Variants in USPL1 observed in about 807,000 individuals in gnomAD.
USPL1 encodes SUMO-specific isopeptidase USPL1.
A neutral mutation model predicts 51.5 loss-of-function variants in USPL1; 27 were observed. That is an observed-to-expected ratio of 0.52 (90% CI 0.39 to 0.72). USPL1 has a LOEUF of 0.72. Among genes scored for constraint, USPL1 ranks in the 30% least tolerant of loss-of-function variants. The pLI is 0.00. For synonymous variants in USPL1, 451 were observed against 459.6 expected (o/e 0.98, Z 0.24); for missense variants, 1,226 against 1,268.0 (o/e 0.97, Z 0.50).
rs566057057 is a variant in USPL1 at position 30,632,186 on chromosome 13, A to G, written c.868+712A>G. 3.6e-4 allele frequency among the ~76,000 whole-genome samples: 55 copies of G among 151,852 alleles called. No homozygotes were observed. The South Asian group carries it at 0.01, about 28-fold the overall frequency. ...TGTGTCCATGTGTTCTCATTGTTCA[A>G]CTGTCACTTATGAGTGAGAATATAT... On this transcript the variant is annotated intron_variant, in intron 4 of 8. Transcript: ENST00000255304.
In USPL1 at chr13:30,660,600, G is replaced by C. The variant is rs541869668; in HGVS notation, c.*1244G>C. 8 of 152,396 alleles carry C rather than the reference G, an allele frequency of 5.2e-5. No individual in the cohort carries two copies. The highest frequency in any genetic ancestry group is 1.7e-4 in the African/African-American group (7 of 41,580). 9.4% of individuals were successfully genotyped at this position (152,396 alleles called of 1,614,324 possible). ...TATGGTTGTGTGGCCTTCTGTAAGA[G>C]CCTACGCCTGTTTGTTACACCGGTA... is the stretch of plus-strand genomic sequence containing the variant. On this transcript the variant is annotated 3_prime_UTR_variant, in exon 9 of 9. Transcript: ENST00000255304.
At chr13:30,627,669 T>G (rs1950737711) in intron 3 of USPL1, among the ~76,000 whole-genome samples, 1 of 152,030 alleles carries the variant, frequency 6.6e-6, no homozygotes, top group Non-Finnish European at 1.5e-5. Context: ...TTTTTTCTCT[T>G]AAAAAAATTT....
At position 30,657,634 on chromosome 13, in the gene USPL1, C is replaced by A. The variant is rs748490203; in HGVS notation, c.1557C>A (p.Asp519Glu). Residue 519 changes from aspartate to glutamate, a missense_variant, in exon 9 of 9, where the codon GAC (aspartate) becomes GAA (glutamate). Asp to Glu is a conservative substitution (Grantham distance 45). Coordinates refer to ENST00000255304, the MANE Select transcript of USPL1 (RefSeq NM_005800.5). Reference sequence around the variant, plus strand: ...GCCTTCCACTTAAAAAGACTAATGACCAACACGCTCTCAGTAATGAGAAAC... The same window carrying A: ...GCCTTCCACTTAAAAAGACTAATGAACAACACGCTCTCAGTAATGAGAAAC... ...AACLPLKKTN[D>E]QHALSNEKPV... 1 of 1,614,184 alleles carries A rather than the reference C, an allele frequency of 6.2e-7. No homozygotes were observed. The highest frequency in any genetic ancestry group is 2.2e-5 in the East Asian group (1 of 44,884).
At chr13:30,641,439 T>C (rs1950946056) in intron 5 of USPL1, among the ~76,000 whole-genome samples, 1 of 151,844 alleles carries the variant, frequency 6.6e-6, no homozygotes, top group East Asian at 1.9e-4. Context: ...AGTTCCAGGC[T>C]AGGGGGAGAA....
At position 30,630,831 on chromosome 13, in the gene USPL1, C is replaced by A. The variant is rs758475767; in HGVS notation, c.229-4C>A. 1.6e-5 allele frequency: 25 copies of A among 1,571,834 alleles called. No individual in the cohort carries two copies. Among genetic ancestry groups the A allele is most frequent in the Non-Finnish European group, 2.0e-5 (23 of 1,162,050 alleles). On this transcript the variant is annotated splice_region_variant and splice_polypyrimidine_tract_variant and intron_variant, in intron 3 of 8. Coordinates refer to ENST00000255304, the MANE Select transcript of USPL1 (RefSeq NM_005800.5). ...GTTTTTATCATTTTATTTTTACTTTCCAGTGCATCTATCCTTTGGGCTCTA... is the reference window on the plus strand; with the variant it reads ...GTTTTTATCATTTTATTTTTACTTTACAGTGCATCTATCCTTTGGGCTCTA...
intron 3 of USPL1, among the ~76,000 whole-genome samples, chr13:30,622,208 GTT>G (rs1950655813): frequency 6.6e-6 from 1 of 151,738 alleles, no homozygotes; most frequent in Non-Finnish European, 1.5e-5. Context: ...CATCTCTTTG[GTT>G]TATCTTTGCA....
intron 3 of USPL1, among the ~76,000 whole-genome samples, chr13:30,625,316 G>A (rs759124843): frequency 4.6e-5 from 7 of 152,142 alleles, no homozygotes; most frequent in Non-Finnish European, 1.5e-5. Flanking sequence ...GGGAAGACTT[G>A]GAAGAGCAAG....
chr13:30,646,986 T>G lies in USPL1; in HGVS notation c.1167T>G (p.Leu389=), dbSNP rs1427427487. The change falls in exon 7 of 9, where the codon CTT becomes CTG. Residue 389 remains leucine, a synonymous_variant. Coordinates refer to ENST00000255304, the MANE Select transcript of USPL1 (RefSeq NM_005800.5). ...FTNVIPEWHP[L]NAAHFGPCNN... ...ATGTCATCCCTGAGTGGCACCCACTTAATGCTGCCCATTTTGGTCCATGTA... is the reference window on the plus strand; with the variant it reads ...ATGTCATCCCTGAGTGGCACCCACTGAATGCTGCCCATTTTGGTCCATGTA... 1 of 1,613,960 alleles carries G rather than the reference T, an allele frequency of 6.2e-7. No individual in the cohort carries two copies. The highest frequency in any genetic ancestry group is 1.1e-5 in the South Asian group (1 of 91,066).
At chr13:30,641,236 CAT>C (rs1420097060) in intron 5 of USPL1, among the ~76,000 whole-genome samples, 1 of 152,208 alleles carries the variant, frequency 6.6e-6, no homozygotes, top group Non-Finnish European at 1.5e-5. Flanking sequence ...AGAAACCCCA[CAT>C]GATTGTTATT....
In USPL1 at chr13:30,621,139, G is replaced by C. The variant is rs775590821; in HGVS notation, c.-2G>C. 6.2e-6 allele frequency: 10 copies of C among 1,603,904 alleles called. No individual in the cohort carries two copies. The Admixed American group carries it at 1.5e-4, about 25-fold the overall frequency. On this transcript the variant is annotated 5_prime_UTR_variant, in exon 2 of 9. Transcript: ENST00000255304. ...GTGACATAAATTAGCCAATGACTCG[G>C]AATGATGGATTCTCCGAAGATTGGA... is the stretch of plus-strand genomic sequence containing the variant.
At chr13:30,644,312 A>G (rs1303534564) in intron 6 of USPL1, among the ~76,000 whole-genome samples, 4 of 152,100 alleles carry the variant, frequency 2.6e-5, no homozygotes, top group Non-Finnish European at 5.9e-5. Flanking sequence ...TTACTTAGAT[A>G]TTCATTATCT....
intron 6 of USPL1, among the ~76,000 whole-genome samples, chr13:30,645,024 C>T (rs984483023): frequency 6.6e-6 from 1 of 152,124 alleles, no homozygotes; most frequent in Non-Finnish European, 1.5e-5. Flanking sequence ...TCATTTGGCA[C>T]GTATGGATAT....
Position 30,658,068 on chromosome 13 carries a change from A to G in USPL1, c.1991A>G (p.Gln664Arg). The G allele has an allele frequency of 6.2e-7, 1 of 1,613,400 alleles. No individual in the cohort carries two copies. The highest frequency in any genetic ancestry group is 8.5e-7 in the Non-Finnish European group (1 of 1,179,972). Residue 664 changes from glutamine to arginine, a missense_variant, in exon 9 of 9, where the codon CAG (glutamine) becomes CGG (arginine). Coordinates refer to ENST00000255304, the MANE Select transcript of USPL1 (RefSeq NM_005800.5). ...FPSQVVNTNM[Q>R]SVQLNTEDTV... The stretch of plus-strand genomic sequence containing the variant: ...TCCCAAGTTGTAAATACAAACATGC[A>G]GTCAGTACAGCTGAATACAGAAGAT...
chr13:30,659,334 A>C lies in USPL1; in HGVS notation c.3257A>C (p.Glu1086Ala), dbSNP rs1951223578. Residue 1086 changes from glutamate to alanine, a missense_variant, in exon 9 of 9, where the codon GAA becomes GCA. Physicochemically the swap from Glu to Ala is moderately radical, Grantham distance 107. Transcript: ENST00000255304. ...NDTLDLPHFD[E>A]YLFENY ...ACATTAGACCTACCTCATTTCGATG[A>C]ATATCTGTTTGAGAATTATTGAATT... The C allele has an allele frequency of 1.3e-6, 2 of 1,595,408 alleles. No individual in the cohort carries two copies. Among genetic ancestry groups the C allele is most frequent in the East Asian group, 4.5e-5 (2 of 44,612 alleles).
chr13:30,659,152 T>C lies in USPL1; in HGVS notation c.3075T>C (p.Asn1025=). 6.2e-7 allele frequency: 1 copy of C among 1,614,134 alleles called. No homozygotes were observed. Among genetic ancestry groups the C allele is most frequent in the Non-Finnish European group, 8.5e-7 (1 of 1,180,014 alleles). Residue 1025 remains asparagine, a synonymous_variant, in exon 9 of 9, where the codon AAT becomes AAC. Coordinates refer to ENST00000255304, the MANE Select transcript of USPL1 (RefSeq NM_005800.5). The part of the protein sequence containing the change: ...SQNTHLRQDH[N]YCSPTKKNPC... ...ACACACATCTGAGACAGGACCATAA[T>C]TATTGTAGCCCCACCAAGAAAAATC...
chr13:30,621,714 G>T, intron 2 of USPL1, 50 bp from the exon 3 acceptor site: 2 of 1,299,940 alleles, frequency 1.5e-6, no homozygotes, highest in South Asian at 2.1e-5. Flanking sequence ...TTAATATTTT[G>T]ATATATTCTA....
At chr13:30,633,703 G>A (rs963665036) in intron 4 of USPL1, among the ~76,000 whole-genome samples, 2 of 150,562 alleles carry the variant, frequency 1.3e-5, no homozygotes, top group African/African-American at 4.9e-5. Flanking sequence ...AACCCAGGAG[G>A]TGGAAGTTGA....
chr13:30,652,478 A>G (rs1479615587), intron 7 of USPL1, among the ~76,000 whole-genome samples: 5 of 152,216 alleles, frequency 3.3e-5, no homozygotes, highest in African/African-American at 1.2e-4. Flanking sequence ...AAATTTAGTT[A>G]TTTGAGACCC....
chr13:30,651,872 C>T lies in USPL1; in HGVS notation c.1239-1276C>T, dbSNP rs141087382. On this transcript the variant is annotated intron_variant, in intron 7 of 8. Transcript: ENST00000255304. ...TCAGGAGGCTGTGGTGGGAGAATCACTTGAGCCCAGGAGGCGGAGATTGCA... is the reference window on the plus strand; with the variant it reads ...TCAGGAGGCTGTGGTGGGAGAATCATTTGAGCCCAGGAGGCGGAGATTGCA... Among the ~76,000 whole-genome samples, 636 of 152,180 alleles carry T rather than the reference C, an allele frequency of 4.2e-3. 10 individuals carry two copies. Among genetic ancestry groups the T allele is most frequent in the East Asian group, 0.028 (145 of 5,168 alleles).
Sources: gnomAD v4.1 joint callset for allele counts (sites outside exome capture counted in the v4.1 genomes callset) on GRCh38, gnomAD v4.1.1 for gene constraint, MANE v1.5 for transcripts, NCBI Gene and HGNC (gene_info 2026-07-23, HGNC 2026-07-21) for gene names.